MDGA2: variants seen among roughly 807,000 people sequenced by gnomAD.
MDGA2 encodes the protein MAM domain containing glycosylphosphatidylinositol anchor 2, also known as MAM domain-containing glycosylphosphatidylinositol anchor protein 2.
In MDGA2, 40 loss-of-function variants were observed where a neutral mutation model predicts 117.8. The ratio of observed to expected loss-of-function variants is 0.34; its 90% CI spans 0.26 to 0.44. The LOEUF is 0.44. MDGA2 is among the 20% of genes least tolerant of loss of function. The probability of loss-of-function intolerance (pLI) is 1.00; values close to 1 mark genes in which losing one functional copy is unlikely to be tolerated. For missense variants in MDGA2, 1,123 were observed against 1,250.6 expected (o/e 0.90, Z 1.54); for synonymous variants, 452 against 439.0 (o/e 1.03, Z -0.37).
intron 1 of MDGA2, among the ~76,000 whole-genome samples, chr14:47,500,917 T>C (rs1379354172): frequency 6.6e-6 from 1 of 152,100 alleles, no homozygotes; most frequent in Non-Finnish European, 1.5e-5. Flanking sequence ...GTAATAAAAA[T>C]TACTATTTTG....
intron 1 of MDGA2, among the ~76,000 whole-genome samples, chr14:47,360,630 A>G (rs1891100329): frequency 1.3e-5 from 2 of 152,108 alleles, no homozygotes; most frequent in Admixed American, 1.3e-4. Flanking sequence ...GGTGGGAATG[A>G]AAATTAGTAT....
At chr14:47,475,524 C>T (rs555907195) in intron 1 of MDGA2, among the ~76,000 whole-genome samples, 9 of 152,032 alleles carry the variant, frequency 5.9e-5, no homozygotes, top group Admixed American at 1.3e-4. Context: ...GATACATGCA[C>T]GTGTATGTTC....
At position 47,193,666 on chromosome 14, in the gene MDGA2, G is replaced by A. The variant is rs917154057; in HGVS notation, c.595+24355C>T. Among the ~76,000 whole-genome samples the A allele has an allele frequency of 2.6e-5, 4 of 152,164 alleles. No individual in the cohort carries two copies. In the East Asian group the frequency reaches 5.8e-4, roughly 22 times the overall value. On this transcript the variant is annotated intron_variant, in intron 3 of 16. Coordinates refer to ENST00000399232, the MANE Select transcript of MDGA2 (RefSeq NM_001113498.3). Reference sequence around the variant, plus strand: ...AGCAGACAGAAAGCTACTAATTAGTGTCTGCAAAGTCAGTGAATTATGGCA... The same window carrying A: ...AGCAGACAGAAAGCTACTAATTAGTATCTGCAAAGTCAGTGAATTATGGCA...
chr14:47,524,570 A>T (rs1180049319), intron 1 of MDGA2, among the ~76,000 whole-genome samples: 1 of 152,168 alleles, frequency 6.6e-6, no homozygotes, highest in Non-Finnish European at 1.5e-5. Context: ...ACAGCACGTA[A>T]TCTCCTCTGT....
chr14:47,005,496 C>A (rs1167543255), intron 8 of MDGA2, among the ~76,000 whole-genome samples: 1 of 151,462 alleles, frequency 6.6e-6, no homozygotes, highest in Non-Finnish European at 1.5e-5. Flanking sequence ...TTATATATTG[C>A]TTGATTCAGT....
rs532155515 is a variant in MDGA2 at position 47,247,891 on chromosome 14, A to G, written c.421-29696T>C. ...CTCTCACTCATGAGTGAGAACATGTAGTGTTTGGTTTTCTATTCCTGGGTT... is the reference window on the plus strand; with the variant it reads ...CTCTCACTCATGAGTGAGAACATGTGGTGTTTGGTTTTCTATTCCTGGGTT... On this transcript the variant is annotated intron_variant, in intron 2 of 16. Coordinates refer to ENST00000399232, the MANE Select transcript of MDGA2 (RefSeq NM_001113498.3). Among the ~76,000 whole-genome samples, 29 of 151,290 alleles carry G rather than the reference A, an allele frequency of 1.9e-4. No homozygotes were observed. In the South Asian group the frequency reaches 5.7e-3, roughly 30 times the overall value.
At chr14:47,205,358 G>C (rs945213124) in intron 3 of MDGA2, among the ~76,000 whole-genome samples, 1 of 151,876 alleles carries the variant, frequency 6.6e-6, no homozygotes, top group African/African-American at 2.4e-5. Context: ...TTCTCAAAGA[G>C]TCTATAATTT....
chr14:47,070,912 C>T (rs1223327612), intron 6 of MDGA2, among the ~76,000 whole-genome samples: 1 of 152,146 alleles, frequency 6.6e-6, no homozygotes, highest in Non-Finnish European at 1.5e-5. Flanking sequence ...CCAGCCTATT[C>T]CAGTACTTCC....
chr14:47,594,266 T>C (rs913313302), intron 1 of MDGA2, among the ~76,000 whole-genome samples: 2 of 152,188 alleles, frequency 1.3e-5, no homozygotes, highest in Non-Finnish European at 1.5e-5. Flanking sequence ...TGTTAGAACA[T>C]GGTGAGGAGA....
intron 1 of MDGA2, among the ~76,000 whole-genome samples, chr14:47,604,834 A>C (rs993115805): frequency 3.3e-5 from 5 of 152,150 alleles, no homozygotes; most frequent in African/African-American, 1.2e-4. Context: ...GCTCTCAGGA[A>C]GCCTGCTCTG....
At chr14:47,630,782 C>G (rs901251588) in intron 1 of MDGA2, among the ~76,000 whole-genome samples, 1 of 152,108 alleles carries the variant, frequency 6.6e-6, no homozygotes, top group Non-Finnish European at 1.5e-5. Flanking sequence ...ATAGAACAGC[C>G]AGATATTAGA....
At chr14:46,869,699 C>A (rs569474179) in intron 14 of MDGA2, among the ~76,000 whole-genome samples, 1 of 151,906 alleles carries the variant, frequency 6.6e-6, no homozygotes, top group African/African-American at 2.4e-5. Flanking sequence ...TTAAATGGAA[C>A]CAGACAGACA....
chr14:47,224,245 T>C (rs1252776293), intron 2 of MDGA2, among the ~76,000 whole-genome samples: 1 of 144,754 alleles, frequency 6.9e-6, no homozygotes, highest in East Asian at 2.0e-4. Flanking sequence ...AACATGGAGA[T>C]TCTCTTATTT....
At chr14:46,909,899 A>T (rs1321789693) in intron 10 of MDGA2, among the ~76,000 whole-genome samples, 3 of 152,144 alleles carry the variant, frequency 2.0e-5, no homozygotes, top group Non-Finnish European at 4.4e-5. Flanking sequence ...AACACAAAAC[A>T]AAAGAACCTC....
chr14:47,362,779 A>ATCTTTTGT (rs1891151694), intron 1 of MDGA2, among the ~76,000 whole-genome samples: 1 of 152,158 alleles, frequency 6.6e-6, no homozygotes, highest in Non-Finnish European at 1.5e-5. Context: ...AAGCTTTCTC[A>ATCTTTTGT]CCAGTTTTGA....
intron 10 of MDGA2, among the ~76,000 whole-genome samples, chr14:46,913,072 G>T (rs1318790371): frequency 2.0e-5 from 3 of 152,072 alleles, no homozygotes; most frequent in African/African-American, 7.2e-5. Flanking sequence ...AGAAATTGAA[G>T]TGAATGACAG....
chr14:47,489,496 CCATTTATTTGGGGG>C (rs1300201218), intron 1 of MDGA2, among the ~76,000 whole-genome samples: 2 of 151,966 alleles, frequency 1.3e-5, no homozygotes, highest in Admixed American at 1.3e-4. Flanking sequence ...TTTCTGCTCC[CCATTTATTTGGGGG>C]AGATCATAGT....
At chr14:47,455,115 C>T (rs575618690) in intron 1 of MDGA2, among the ~76,000 whole-genome samples, 5 of 152,184 alleles carry the variant, frequency 3.3e-5, no homozygotes, top group South Asian at 2.1e-4. Context: ...ATTATATAGA[C>T]GAGAATAATG....
intron 8 of MDGA2, among the ~76,000 whole-genome samples, chr14:46,997,715 C>T (rs1007554408): frequency 2.0e-5 from 3 of 152,012 alleles, no homozygotes; most frequent in Non-Finnish European, 4.4e-5. Context: ...GGAGAGGTGG[C>T]CTCAAGGGGC....
Sources: allele counts gnomAD v4.1 joint callset (sites outside exome capture counted in the v4.1 genomes callset), GRCh38; gene constraint gnomAD v4.1.1; transcripts MANE v1.5; gene names NCBI Gene and HGNC (gene_info 2026-07-23, HGNC 2026-07-21).